The following TBL1XR1 variants were observed in gnomAD, a reference collection of about 807,000 sequenced individuals.
TBL1XR1 encodes TBL1X/Y related 1, also known as F-box-like/WD repeat-containing protein TBL1XR1.
A neutral mutation model predicts 66.9 loss-of-function variants in TBL1XR1; 5 were observed. That is an observed-to-expected ratio of 0.07 (90% CI 0.04 to 0.16). The LOEUF (loss-of-function observed/expected upper bound fraction) is 0.16, where lower values mean the gene tolerates loss of function less well. TBL1XR1 is among the 10% of genes least tolerant of loss of function. The probability of loss-of-function intolerance (pLI) is 1.00; values close to 1 mark genes in which losing one functional copy is unlikely to be tolerated. For missense variants in TBL1XR1, 238 were observed against 623.2 expected, an observed-to-expected ratio of 0.38 and a Z score of 6.58; for synonymous variants, 210 against 206.0, an observed-to-expected ratio of 1.02 and a Z score of -0.17.
rs181909036 is a variant in TBL1XR1 at position 177,023,356 on chromosome 3, C to T, written c.*2142G>A. On this transcript the variant is annotated 3_prime_UTR_variant, in exon 16 of 16. Coordinates refer to ENST00000457928, the MANE Select transcript of TBL1XR1 (RefSeq NM_024665.7). Reference sequence around the variant, plus strand: ...TTTATTTATTTTTTTTAAACAATAACAGAGGTCAACCACAGATGTGGACCT... The same window carrying T: ...TTTATTTATTTTTTTTAAACAATAATAGAGGTCAACCACAGATGTGGACCT... 6.6e-6 allele frequency: 1 copy of T among 152,342 alleles called. No homozygotes were observed. Among genetic ancestry groups the T allele is most frequent in the East Asian group, 1.9e-4 (1 of 5,176 alleles). 9.4% of individuals were successfully genotyped at this position (152,342 alleles called of 1,614,324 possible).
At chr3:177,025,965 T>C (rs1020732637) in intron 15 of TBL1XR1, 12 of 268,180 alleles carry the variant, frequency 4.5e-5, no homozygotes, top group Non-Finnish European at 7.7e-5. Context: ...ATCCTGAAAA[T>C]CTTTCAGTAT....
chr3:177,072,907 T>C (rs762388825), intron 2 of TBL1XR1, among the ~76,000 whole-genome samples: 2 of 151,996 alleles, frequency 1.3e-5, no homozygotes, highest in African/African-American at 2.4e-5. Flanking sequence ...CTATTAAAAA[T>C]ACAAAAATTA....
chr3:177,183,506 C>T (rs1735063534), intron 1 of TBL1XR1, among the ~76,000 whole-genome samples: 1 of 152,122 alleles, frequency 6.6e-6, no homozygotes, highest in African/African-American at 2.4e-5. Flanking sequence ...AGGGATTCCA[C>T]TCCGGAAAGC....
At chr3:177,039,605 T>C (rs1220785774) in intron 10 of TBL1XR1, among the ~76,000 whole-genome samples, 1 of 152,188 alleles carries the variant, frequency 6.6e-6, no homozygotes, top group Non-Finnish European at 1.5e-5. Context: ...TTGAACATCC[T>C]TGTCTCCTGC....
intron 1 of TBL1XR1, among the ~76,000 whole-genome samples, chr3:177,117,599 G>A (rs1726457026): frequency 6.6e-6 from 1 of 152,128 alleles, no homozygotes; most frequent in African/African-American, 2.4e-5. Context: ...GCTACACAGG[G>A]AAATCTAATG....
chr3:177,131,368 C>A, intron 1 of TBL1XR1: 1 of 985,414 alleles, frequency 1.0e-6, no homozygotes. Context: ...CTCACTTTTA[C>A]ACCCATTCCT....
chr3:177,070,821 G>C (rs1456637863), intron 2 of TBL1XR1, among the ~76,000 whole-genome samples: 20 of 151,656 alleles, frequency 1.3e-4, no homozygotes, highest in Non-Finnish European at 2.9e-5. Flanking sequence ...ACTCCAGCCT[G>C]GGCAGCTAAG....
chr3:177,143,667 G>T (rs1045161978), intron 1 of TBL1XR1, among the ~76,000 whole-genome samples: 1 of 152,190 alleles, frequency 6.6e-6, no homozygotes, highest in Admixed American at 6.5e-5. Flanking sequence ...ACCATGTGAA[G>T]TAGGTAAATG....
rs929450080 is a variant in TBL1XR1 at position 177,080,133 on chromosome 3, A to C, written c.-45-15111T>G. Among the ~76,000 whole-genome samples the C allele has an allele frequency of 2.0e-5, 3 of 152,210 alleles. No homozygotes were observed. The East Asian group carries it at 5.8e-4, about 29-fold the overall frequency. On this transcript the variant is annotated intron_variant, in intron 2 of 15. Transcript: ENST00000457928. ...TGAAAATAATTTTCATAAGGACATA[A>C]TTATGTCCTCAATAAAAAGGACATA...
chr3:177,057,221 T>C (rs1032337551), intron 3 of TBL1XR1, among the ~76,000 whole-genome samples: 9 of 152,196 alleles, frequency 5.9e-5, no homozygotes, highest in Non-Finnish European at 1.0e-4. Flanking sequence ...CCTCCTTTGC[T>C]CTTTCTCCTA....
rs373306105 is a variant in TBL1XR1, at chr3:177,033,121, A to G, written c.1266T>C (p.Ser422=). The G allele has an allele frequency of 3.0e-5, 46 of 1,552,820 alleles. No individual in the cohort carries two copies. Among genetic ancestry groups the G allele is most frequent in the Non-Finnish European group, 3.6e-5 (41 of 1,148,148 alleles). Residue 422 remains serine, a synonymous_variant, in exon 14 of 16, where the codon TCT becomes TCC. Coordinates refer to ENST00000457928, the MANE Select transcript of TBL1XR1 (RefSeq NM_024665.7). ...GGTCTACATCCCATAACCTAACAGT[A>G]GAATCAAAGGATGCACTGAAAAAGG... ...NLMLASASFD[S]TVRLWDVDRG...
intron 2 of TBL1XR1, among the ~76,000 whole-genome samples, chr3:177,076,066 T>C (rs979792218): frequency 1.3e-5 from 2 of 152,238 alleles, no homozygotes; most frequent in African/African-American, 4.8e-5. Flanking sequence ...TGCCAGCAGA[T>C]ACAGTGCCTA....
At chr3:177,102,629 C>T (rs569222568) in intron 1 of TBL1XR1, among the ~76,000 whole-genome samples, 2 of 152,132 alleles carry the variant, frequency 1.3e-5, no homozygotes, top group Non-Finnish European at 2.9e-5. Flanking sequence ...ATGTGTGTCC[C>T]GTCTATCTGC....
chr3:177,071,149 G>C (rs3102234), intron 2 of TBL1XR1, among the ~76,000 whole-genome samples: 2,539 of 149,750 alleles, frequency 0.017, 33 homozygotes, highest in Non-Finnish European at 0.027. Flanking sequence ...TACTGCCTTA[G>C]CCTCCCGAGC....
At chr3:177,156,771 A>G (rs1731573488) in intron 1 of TBL1XR1, among the ~76,000 whole-genome samples, 1 of 152,158 alleles carries the variant, frequency 6.6e-6, no homozygotes, top group African/African-American at 2.4e-5. Context: ...ATATACTACT[A>G]TACACTAGAA....
intron 1 of TBL1XR1, among the ~76,000 whole-genome samples, chr3:177,135,387 GTATT>G (rs1728875713): frequency 1.4e-5 from 1 of 70,220 alleles, no homozygotes; most frequent in Non-Finnish European, 2.8e-5. Context: ...ATATATGTAT[GTATT>G]TTTTTTTTAA....
intron 1 of TBL1XR1, among the ~76,000 whole-genome samples, chr3:177,186,315 A>G (rs925150383): frequency 6.6e-6 from 1 of 152,246 alleles, no homozygotes; most frequent in Non-Finnish European, 1.5e-5. Flanking sequence ...TTGTTATATG[A>G]ATGAGTGCCA....
intron 1 of TBL1XR1, among the ~76,000 whole-genome samples, chr3:177,155,953 G>T (rs1244161117): frequency 2.6e-5 from 4 of 151,934 alleles, no homozygotes; most frequent in African/African-American, 9.7e-5. Context: ...AGGTTGTGGT[G>T]AGCCGAGACT....
intron 1 of TBL1XR1, among the ~76,000 whole-genome samples, chr3:177,168,518 G>C (rs1733096829): frequency 6.6e-6 from 1 of 152,160 alleles, no homozygotes; most frequent in African/African-American, 2.4e-5. Flanking sequence ...CTGACCTGAG[G>C]TGATCCACCC....
Sources: allele counts gnomAD v4.1 joint callset (sites outside exome capture counted in the v4.1 genomes callset), GRCh38; gene constraint gnomAD v4.1.1; transcripts MANE v1.5; gene names NCBI Gene and HGNC (gene_info 2026-07-23, HGNC 2026-07-21).